Variants in TWIST2 observed in about 807,000 individuals in gnomAD.
TWIST2 encodes twist-related protein 2.
In TWIST2, 1 loss-of-function variant was observed where a neutral mutation model predicts 11.6. That is an observed-to-expected ratio of 0.09 (90% confidence interval 0.03 to 0.41). The LOEUF is 0.41. TWIST2 is among the 10% of genes least tolerant of loss of function. The pLI is 0.98. For missense variants in TWIST2, 168 were observed against 226.4 expected, an observed-to-expected ratio of 0.74 and a Z score of 1.66; for synonymous variants, 87 against 96.6, an observed-to-expected ratio of 0.90 and a Z score of 0.58.
chr2:238,858,625 C>T (rs1425133060), intron 1 of TWIST2, among the ~76,000 whole-genome samples: 4 of 152,104 alleles, frequency 2.6e-5, no homozygotes, highest in East Asian at 1.9e-4. Context: ...CCATGTGGTC[C>T]GAGGCAAGTC....
At chr2:238,909,555 C>T (rs1693417169) in intron 1 of TWIST2, among the ~76,000 whole-genome samples, 3 of 152,060 alleles carry the variant, frequency 2.0e-5, no homozygotes. Flanking sequence ...AGGGAGAGGC[C>T]CCGGGGTGGT....
intron 1 of TWIST2, among the ~76,000 whole-genome samples, chr2:238,880,196 G>GTGTTAGTATTAGTATTTATTAGTATTA (rs1692885990): frequency 8.1e-6 from 1 of 123,666 alleles, no homozygotes; most frequent in South Asian, 2.8e-4. Flanking sequence ...TATTGGTATT[G>GTGTTAGTATTAGTATTTATTAGTATTA]GTGTTACTGT....
At chr2:238,883,550 C>G (rs1038465924) in intron 1 of TWIST2, among the ~76,000 whole-genome samples, 1 of 152,176 alleles carries the variant, frequency 6.6e-6, no homozygotes, top group Non-Finnish European at 1.5e-5. Flanking sequence ...CAAGCCCAGC[C>G]TTATCACTCC....
chr2:238,873,102 GCAAA>G (rs369901313), intron 1 of TWIST2, among the ~76,000 whole-genome samples: 52 of 152,350 alleles, frequency 3.4e-4, no homozygotes, highest in African/African-American at 1.2e-3. Context: ...ACAATGGTTA[GCAAA>G]CAAAGAAGAC....
intron 1 of TWIST2, among the ~76,000 whole-genome samples, chr2:238,896,455 G>C (rs1693208708): frequency 6.6e-6 from 1 of 152,196 alleles, no homozygotes; most frequent in East Asian, 1.9e-4. Flanking sequence ...TGTCCTTTCA[G>C]AGATGGAGGA....
intron 1 of TWIST2, among the ~76,000 whole-genome samples, chr2:238,894,245 G>T (rs1693181121): frequency 6.6e-6 from 1 of 152,192 alleles, no homozygotes; most frequent in Admixed American, 6.5e-5. Context: ...TGAGTGAACT[G>T]CCCTTCAGGG....
In TWIST2 at chr2:238,909,879, T is replaced by A. The variant is rs1304523066; in HGVS notation, c.*73T>A. 1 of 152,212 alleles carries A rather than the reference T, an allele frequency of 6.6e-6. No homozygotes were observed. The highest frequency in any genetic ancestry group is 1.5e-5 in the Non-Finnish European group (1 of 68,058). The allele number at this position is 152,212 out of a possible 1,614,324, so 9.4% of individuals were successfully genotyped here. ...GTCGGCGGCGCAAGTGGAATTGGGATGCATTCGAGTCTGTAACTTCTGAAA... is the reference window on the plus strand; with the variant it reads ...GTCGGCGGCGCAAGTGGAATTGGGAAGCATTCGAGTCTGTAACTTCTGAAA... On this transcript the variant is annotated 3_prime_UTR_variant, in exon 2 of 2. Coordinates refer to ENST00000612363, the MANE Select transcript of TWIST2 (RefSeq NM_001271893.4).
At chr2:238,877,425 C>G (rs1692826817) in intron 1 of TWIST2, among the ~76,000 whole-genome samples, 1 of 151,758 alleles carries the variant, frequency 6.6e-6, no homozygotes, top group South Asian at 2.1e-4. Context: ...TACCCCATAT[C>G]AAAAAAAGAA....
intron 1 of TWIST2, among the ~76,000 whole-genome samples, chr2:238,902,965 TGTG>T (rs1305601315): frequency 1.2e-4 from 1 of 8,412 alleles, no homozygotes; most frequent in East Asian, 5.6e-3. Flanking sequence ...GTGTGTGTGA[TGTG>T]TGTGTGATGT....
intron 1 of TWIST2, among the ~76,000 whole-genome samples, chr2:238,895,373 G>A (rs1693194745): frequency 6.6e-6 from 1 of 152,244 alleles, no homozygotes; most frequent in East Asian, 1.9e-4. Flanking sequence ...GCTTGGCCAG[G>A]TGGCCCCCAG....
At chr2:238,898,818 C>A (rs1693236717) in intron 1 of TWIST2, among the ~76,000 whole-genome samples, 1 of 152,252 alleles carries the variant, frequency 6.6e-6, no homozygotes, top group Non-Finnish European at 1.5e-5. Context: ...GGCAGAGGGT[C>A]CCGGCCCTTG....
intron 1 of TWIST2, among the ~76,000 whole-genome samples, chr2:238,849,801 G>C (rs1321382119): frequency 6.6e-6 from 1 of 152,222 alleles, no homozygotes; most frequent in Non-Finnish European, 1.5e-5. Flanking sequence ...CGGAGGCGCC[G>C]TCCTTAGGCT....
chr2:238,906,116 T>TG (rs1693350885), intron 1 of TWIST2, among the ~76,000 whole-genome samples: 1 of 152,092 alleles, frequency 6.6e-6, no homozygotes. Context: ...CCTGGGCTGC[T>TG]GGGGTGAAGC....
chr2:238,877,232 G>A (rs1692823899), intron 1 of TWIST2, among the ~76,000 whole-genome samples: 1 of 152,108 alleles, frequency 6.6e-6, no homozygotes, highest in African/African-American at 2.4e-5. Context: ...TAGCACTCAA[G>A]TCTTTTGTAT....
chr2:238,874,213 T>C (rs1211797908), intron 1 of TWIST2, among the ~76,000 whole-genome samples: 1 of 152,206 alleles, frequency 6.6e-6, no homozygotes, highest in African/African-American at 2.4e-5. Context: ...CAGCTACCAC[T>C]GTTCAAGGGA....
At chr2:238,897,313 G>A (rs1213899338) in intron 1 of TWIST2, among the ~76,000 whole-genome samples, 2 of 152,010 alleles carry the variant, frequency 1.3e-5, no homozygotes, top group African/African-American at 2.4e-5. Context: ...TCCTCCGCGC[G>A]CCCCCCTGCC....
At chr2:238,898,227 G>A (rs1693228005) in intron 1 of TWIST2, among the ~76,000 whole-genome samples, 1 of 152,256 alleles carries the variant, frequency 6.6e-6, no homozygotes, top group Non-Finnish European at 1.5e-5. Context: ...CTAACCAGCT[G>A]TGTGACATAG....
chr2:238,862,170 T>C (rs1692447609), intron 1 of TWIST2, among the ~76,000 whole-genome samples: 1 of 149,690 alleles, frequency 6.7e-6, no homozygotes, highest in Non-Finnish European at 1.5e-5. Context: ...ATGCAGGCCT[T>C]TCCGACCATC....
chr2:238,895,942 C>T (rs1339973859), intron 1 of TWIST2, among the ~76,000 whole-genome samples: 2 of 152,240 alleles, frequency 1.3e-5, no homozygotes, highest in Non-Finnish European at 2.9e-5. Flanking sequence ...CAGCCTGGGT[C>T]CCTGAAGCCA....
Sources: allele counts gnomAD v4.1 joint callset (sites outside exome capture counted in the v4.1 genomes callset), GRCh38; gene constraint gnomAD v4.1.1; transcripts MANE v1.5; gene names NCBI Gene and HGNC (gene_info 2026-07-23, HGNC 2026-07-21).